Variants in EFCAB5 observed in about 807,000 individuals in gnomAD.
EFCAB5 encodes EF-hand calcium-binding domain-containing protein 5.
EFCAB5 carries 131 observed loss-of-function variants against 167.9 expected under a neutral mutation model. The ratio of observed to expected loss-of-function variants is 0.78; its 90% CI spans 0.68 to 0.90. The LOEUF (loss-of-function observed/expected upper bound fraction) is 0.90, where lower values mean the gene tolerates loss of function less well. EFCAB5 is among the 40% of genes least tolerant of loss of function. EFCAB5 has a pLI of 0.00. For missense variants in EFCAB5, 1,663 were observed against 1,745.2 expected, an observed-to-expected ratio of 0.95 and a Z score of 0.84; for synonymous variants, 574 against 602.8, an observed-to-expected ratio of 0.95 and a Z score of 0.70.
intron 1 of EFCAB5, among the ~76,000 whole-genome samples, chr17:29,932,961 C>T (rs938914205): frequency 6.6e-6 from 1 of 152,098 alleles, no homozygotes; most frequent in African/African-American, 2.4e-5. Flanking sequence ...CTGGTATATA[C>T]CTTTTAAGGA....
intron 3 of EFCAB5, among the ~76,000 whole-genome samples, chr17:29,947,384 G>A (rs2067424254): frequency 6.6e-6 from 1 of 151,914 alleles, no homozygotes. Context: ...AAGACATGCC[G>A]AGCGATATAA....
chr17:30,084,391 T>A (rs911114132), intron 18 of EFCAB5, among the ~76,000 whole-genome samples: 36 of 151,998 alleles, frequency 2.4e-4, no homozygotes, highest in African/African-American at 8.7e-4. Context: ...AAACAACACA[T>A]AGGGCACCAT....
intron 4 of EFCAB5, among the ~76,000 whole-genome samples, chr17:29,985,249 C>G (rs531078618): frequency 6.6e-6 from 1 of 152,298 alleles, no homozygotes; most frequent in South Asian, 2.1e-4. Context: ...TCAGCAGTGG[C>G]TGGCAAAGCA....
rs2067897822 is a variant in EFCAB5, at chr17:29,969,157, T to C, written c.557T>C (p.Val186Ala). The change falls in exon 4 of 23, where the codon GTA becomes GCA. Residue 186 changes from valine (V) to alanine (A), a missense_variant. By Grantham distance (64) the Val-to-Ala change is moderately conservative. Transcript: ENST00000394835. Reference sequence around the variant, plus strand: ...CTTCTACCCACCTTAGTTCCTGGAGTAGAAAACATGTTAACTCAAGTAGAA... The same window carrying C: ...CTTCTACCCACCTTAGTTCCTGGAGCAGAAAACATGTTAACTCAAGTAGAA... ...DKLLPTLVPG[V>A]ENMLTQVEKK... is the part of the protein sequence containing the mutation. The C allele has an allele frequency of 3.1e-6, 5 of 1,613,494 alleles. No individual in the cohort carries two copies. The highest frequency in any genetic ancestry group is 4.2e-6 in the Non-Finnish European group (5 of 1,179,798).
chr17:30,017,092 G>A (rs76284154), intron 7 of EFCAB5, among the ~76,000 whole-genome samples: 1 of 151,988 alleles, frequency 6.6e-6, no homozygotes, highest in East Asian at 1.9e-4. Context: ...TGGGAGTACC[G>A]CTTGAGCTCG....
intron 14 of EFCAB5, chr17:30,073,126 G>T (rs1216820583): frequency 2.9e-6 from 2 of 697,216 alleles, no homozygotes; most frequent in African/African-American, 3.5e-5. Flanking sequence ...CGCAACTGTA[G>T]CTCACTGCAG....
At chr17:29,978,794 C>T (rs951697311) in intron 4 of EFCAB5, among the ~76,000 whole-genome samples, 5 of 152,160 alleles carry the variant, frequency 3.3e-5, no homozygotes, top group African/African-American at 1.2e-4. Flanking sequence ...TAAAAGTATC[C>T]AGTGACAGCC....
At chr17:29,999,763 A>C in intron 6 of EFCAB5, 143 bp from the exon 7 acceptor site, 1 of 513,304 alleles carries the variant, frequency 1.9e-6, no homozygotes, top group Non-Finnish European at 3.2e-6. Context: ...ATGTTACCCA[A>C]CTATATGTAA....
chr17:29,996,274 A>C (rs747030838), intron 5 of EFCAB5, 38 bp from the exon 6 acceptor site: 67 of 1,499,930 alleles, frequency 4.5e-5, no homozygotes, highest in Non-Finnish European at 5.6e-5. Context: ...GAGGAGTGGC[A>C]TATGGTTTCT....
chr17:29,937,760 A>G (rs1455135236), upstream of EFCAB5, among the ~76,000 whole-genome samples: 1 of 152,198 alleles, frequency 6.6e-6, no homozygotes, highest in Non-Finnish European at 1.5e-5. Flanking sequence ...GTGGTTCTAT[A>G]GCCCTACTAA....
intron 7 of EFCAB5, 136 bp downstream of exon 7, chr17:30,000,112 T>C (rs1481800434): frequency 1.7e-6 from 1 of 594,190 alleles, no homozygotes; most frequent in African/African-American, 1.9e-5. Context: ...AAATATGTAC[T>C]TTAAAATATT....
intron 13 of EFCAB5, among the ~76,000 whole-genome samples, chr17:30,058,265 A>G (rs1032219154): frequency 2.6e-5 from 4 of 152,192 alleles, no homozygotes; most frequent in Non-Finnish European, 5.9e-5. Context: ...GCCTGAGTAT[A>G]TATTTTTACT....
chr17:29,941,615 G>T, upstream of EFCAB5: 1 of 530,012 alleles, frequency 1.9e-6, no homozygotes, highest in Non-Finnish European at 3.3e-6. Flanking sequence ...AGTTGGAAAA[G>T]TTCAGCAGTT....
intron 7 of EFCAB5, among the ~76,000 whole-genome samples, chr17:30,009,231 G>A (rs541195109): frequency 1.3e-5 from 2 of 152,290 alleles, no homozygotes; most frequent in African/African-American, 4.8e-5. Flanking sequence ...ATCTTCGAGA[G>A]CCATTATCCA....
chr17:29,963,866 G>A (rs2067771174), intron 3 of EFCAB5, among the ~76,000 whole-genome samples: 1 of 152,132 alleles, frequency 6.6e-6, no homozygotes, highest in Non-Finnish European at 1.5e-5. Flanking sequence ...TGCTGTTCTT[G>A]CAGTAATGAG....
chr17:29,937,327 C>T (rs938029167), upstream of EFCAB5, among the ~76,000 whole-genome samples: 3 of 152,154 alleles, frequency 2.0e-5, no homozygotes, highest in Admixed American at 6.5e-5. Flanking sequence ...GCTGGGATTA[C>T]AGGCATGTGC....
At chr17:30,027,246 A>G (rs1270463652) in intron 7 of EFCAB5, among the ~76,000 whole-genome samples, 2 of 149,170 alleles carry the variant, frequency 1.3e-5, no homozygotes, top group Non-Finnish European at 3.0e-5. Flanking sequence ...CGGACTCCCA[A>G]AGTGCTGGCA....
intron 7 of EFCAB5, among the ~76,000 whole-genome samples, chr17:30,011,995 C>A (rs959701628): frequency 3.3e-5 from 5 of 152,010 alleles, no homozygotes; most frequent in Non-Finnish European, 7.4e-5. Context: ...CTAGGAAAAA[C>A]CAGGCCATAC....
intron 4 of EFCAB5, among the ~76,000 whole-genome samples, chr17:29,982,768 T>C (rs1477949351): frequency 6.6e-6 from 1 of 152,216 alleles, no homozygotes; most frequent in Non-Finnish European, 1.5e-5. Flanking sequence ...TTAAGCTGAT[T>C]AGAACCAATT....
Sources: allele counts gnomAD v4.1 joint callset (sites outside exome capture counted in the v4.1 genomes callset), GRCh38; gene constraint gnomAD v4.1.1; transcripts MANE v1.5; gene names NCBI Gene and HGNC (gene_info 2026-07-23, HGNC 2026-07-21).